Variants in MBNL1 observed in about 807,000 individuals in gnomAD.
MBNL1 encodes the protein muscleblind-like protein 1.
Under a neutral mutation model 42.2 loss-of-function variants are expected in MBNL1, and 8 were observed. The ratio of observed to expected loss-of-function variants is 0.19; its 90% confidence interval spans 0.11 to 0.34. MBNL1 has a LOEUF of 0.34. Among genes scored for constraint, MBNL1 ranks in the 10% least tolerant of loss-of-function variants. The probability of loss-of-function intolerance (pLI) is 1.00; values close to 1 mark genes in which losing one functional copy is unlikely to be tolerated. For missense variants in MBNL1, 309 were observed against 495.3 expected (o/e 0.62, Z 3.57); for synonymous variants, 169 against 173.9 (o/e 0.97, Z 0.22).
intron 2 of MBNL1, among the ~76,000 whole-genome samples, chr3:152,355,157 G>GC (rs1270663376): frequency 2.6e-5 from 4 of 152,096 alleles, no homozygotes; most frequent in Non-Finnish European, 2.9e-5. Flanking sequence ...TCCAGTCTCT[G>GC]CCCAAATGCC....
At chr3:152,348,517 T>G (rs1359750161) in intron 2 of MBNL1, among the ~76,000 whole-genome samples, 1 of 152,168 alleles carries the variant, frequency 6.6e-6, no homozygotes, top group African/African-American at 2.4e-5. Context: ...GTTGTTATAG[T>G]ACAGTCATAA....
chr3:152,335,119 C>A (rs2088799330), intron 2 of MBNL1: 1 of 1,287,954 alleles, frequency 7.8e-7, no homozygotes. Flanking sequence ...AGCAGTCACT[C>A]AGGAAATGTT....
intron 2 of MBNL1, among the ~76,000 whole-genome samples, chr3:152,404,597 T>C (rs746675124): frequency 6.6e-6 from 1 of 152,008 alleles, no homozygotes; most frequent in Non-Finnish European, 1.5e-5. Flanking sequence ...GTTACTTTTA[T>C]ATTTCTCAAT....
At chr3:152,364,485 G>T (rs779261202) in intron 2 of MBNL1, among the ~76,000 whole-genome samples, 1 of 152,032 alleles carries the variant, frequency 6.6e-6, no homozygotes, top group Non-Finnish European at 1.5e-5. Context: ...ACCTCAATCA[G>T]AAGTGGTGTG....
intron 3 of MBNL1, among the ~76,000 whole-genome samples, chr3:152,425,868 A>C (rs889066229): frequency 3.3e-5 from 5 of 152,148 alleles, no homozygotes; most frequent in African/African-American, 7.2e-5. Flanking sequence ...CAGTTTTGTA[A>C]ATCATTCTAC....
intron 2 of MBNL1, among the ~76,000 whole-genome samples, chr3:152,315,006 T>C (rs991919254): frequency 2.0e-5 from 3 of 152,256 alleles, no homozygotes; most frequent in Admixed American, 6.5e-5. Context: ...CTGTGTATTA[T>C]TGATTTAGTG....
At chr3:152,363,487 A>C (rs1308280311) in intron 2 of MBNL1, among the ~76,000 whole-genome samples, 2 of 152,210 alleles carry the variant, frequency 1.3e-5, no homozygotes, top group Non-Finnish European at 1.5e-5. Flanking sequence ...CAAGTTTCTG[A>C]GAAGAGGAGG....
At chr3:152,392,697 A>G (rs2097771654) in intron 2 of MBNL1, among the ~76,000 whole-genome samples, 1 of 152,212 alleles carries the variant, frequency 6.6e-6, no homozygotes, top group African/African-American at 2.4e-5. Context: ...TAGTCTCCAG[A>G]TGGGTAAGAT....
chr3:152,454,404 C>T (rs1357391192), intron 6 of MBNL1, among the ~76,000 whole-genome samples: 1 of 152,190 alleles, frequency 6.6e-6, no homozygotes, highest in East Asian at 1.9e-4. Flanking sequence ...GTCCCAGATG[C>T]TGCTAGTATT....
intron 1 of MBNL1, among the ~76,000 whole-genome samples, chr3:152,288,604 T>C (rs1253685701): frequency 6.6e-6 from 1 of 152,082 alleles, no homozygotes; most frequent in Non-Finnish European, 1.5e-5. Context: ...CTTACTCTTA[T>C]GACATAGTGT....
Position 152,368,792 on chromosome 3 carries a change from C to G in MBNL1, c.175-46149C>G, listed in dbSNP as rs140826221. ...TTTGTAGCAAGTGTAAATGGGAGTT[C>G]ACTCATGATTTGGTTCTCTGTCTAT... is the stretch of plus-strand genomic sequence containing the variant. On this transcript the variant is annotated intron_variant, in intron 2 of 9. Transcript: ENST00000324210. Among the ~76,000 whole-genome samples the G allele has an allele frequency of 6.4e-3, 978 of 152,260 alleles. 9 individuals carry two copies. The highest frequency in any genetic ancestry group is 0.022 in the African/African-American group (932 of 41,558).
chr3:152,365,265 G>T (rs2096280596), intron 2 of MBNL1, among the ~76,000 whole-genome samples: 2 of 148,492 alleles, frequency 1.3e-5, no homozygotes, highest in Admixed American at 6.7e-5. Flanking sequence ...ACAATTTTCT[G>T]ATTTTTTTTT....
chr3:152,434,009 G>A (rs2099044698), intron 4 of MBNL1, among the ~76,000 whole-genome samples: 2 of 152,238 alleles, frequency 1.3e-5, no homozygotes, highest in South Asian at 4.1e-4. Context: ...AGAACAAAAT[G>A]ACCTTTTCCT....
chr3:152,410,734 A>C (rs1212818664), intron 2 of MBNL1, among the ~76,000 whole-genome samples: 4 of 152,236 alleles, frequency 2.6e-5, no homozygotes, highest in Admixed American at 2.6e-4. Context: ...ATTTCAGTGT[A>C]ATCAACAAAA....
At chr3:152,371,165 C>T (rs1214090124) in intron 2 of MBNL1, among the ~76,000 whole-genome samples, 2 of 152,162 alleles carry the variant, frequency 1.3e-5, no homozygotes, top group Non-Finnish European at 2.9e-5. Context: ...TTAGTGCTTC[C>T]TTCAGAAGAT....
intron 1 of MBNL1, among the ~76,000 whole-genome samples, chr3:152,291,679 A>G (rs1325041054): frequency 1.3e-5 from 2 of 152,182 alleles, no homozygotes; most frequent in African/African-American, 2.4e-5. Flanking sequence ...TGGAGCTTAC[A>G]TTTTTGTGGC....
At chr3:152,294,683 A>C (rs2057781837) in intron 1 of MBNL1, among the ~76,000 whole-genome samples, 1 of 152,224 alleles carries the variant, frequency 6.6e-6, no homozygotes, top group Non-Finnish European at 1.5e-5. Context: ...TGTACCCATT[A>C]GTAGAAATCT....
intron 4 of MBNL1, among the ~76,000 whole-genome samples, chr3:152,436,725 G>A (rs1453433121): frequency 6.6e-6 from 1 of 152,152 alleles, no homozygotes; most frequent in East Asian, 1.9e-4. Flanking sequence ...ATATTTTGTA[G>A]TGCTTAATTG....
chr3:152,379,194 C>T (rs2097068469), intron 2 of MBNL1, among the ~76,000 whole-genome samples: 1 of 152,082 alleles, frequency 6.6e-6, no homozygotes, highest in Non-Finnish European at 1.5e-5. Flanking sequence ...GATAATTACC[C>T]TTGGGTTTCT....
Sources: allele counts gnomAD v4.1 joint callset (sites outside exome capture counted in the v4.1 genomes callset), GRCh38; gene constraint gnomAD v4.1.1; transcripts MANE v1.5; gene names NCBI Gene and HGNC (gene_info 2026-07-23, HGNC 2026-07-21).